The following DOK7 variants were observed in gnomAD, a reference collection of about 807,000 sequenced individuals.
DOK7 encodes docking protein 7, also known as protein Dok-7.
A neutral mutation model predicts 30.7 loss-of-function variants in DOK7; 32 were observed. The ratio of observed to expected loss-of-function variants is 1.04; its 90% CI spans 0.79 to 1.40. The LOEUF is 1.40. Ranked by LOEUF, DOK7 falls within the 40% of genes most tolerant of loss-of-function variation. The probability of loss-of-function intolerance (pLI) is 0.00; values close to 1 mark genes in which losing one functional copy is unlikely to be tolerated. For synonymous variants in DOK7, 447 were observed against 324.1 expected, an observed-to-expected ratio of 1.38 and a Z score of -4.07; for missense variants, 1,007 against 699.2, an observed-to-expected ratio of 1.44 and a Z score of -4.97.
intron 5 of DOK7, among the ~76,000 whole-genome samples, chr4:3,487,446 G>T (rs568289522): frequency 6.6e-6 from 1 of 152,328 alleles, no homozygotes; most frequent in African/African-American, 2.4e-5. Context: ...TGCTGAGCCC[G>T]CTGTGACCCA....
chr4:3,487,676 CAG>C (rs1727899229), intron 5 of DOK7, among the ~76,000 whole-genome samples: 1 of 152,182 alleles, frequency 6.6e-6, no homozygotes, highest in African/African-American at 2.4e-5. Context: ...GTGAGAGGCT[CAG>C]GGGGCGTGTG....
At chr4:3,473,715 G>A in intron 3 of DOK7, 79 bp downstream of exon 3, 5 of 1,338,596 alleles carry the variant, frequency 3.7e-6, no homozygotes, top group Non-Finnish European at 5.1e-6. Flanking sequence ...GGGCTGCAGA[G>A]GTGGGAGCGG....
chr4:3,469,631 T>G (rs1219945905), intron 2 of DOK7, among the ~76,000 whole-genome samples: 1 of 152,074 alleles, frequency 6.6e-6, no homozygotes, highest in African/African-American at 2.4e-5. Context: ...CCCCCAGACC[T>G]GTGTCTACCC....
chr4:3,495,797 C>T (rs1344807826), downstream of DOK7, among the ~76,000 whole-genome samples: 1 of 152,126 alleles, frequency 6.6e-6, no homozygotes, highest in Non-Finnish European at 1.5e-5. Flanking sequence ...CCTGCCCCCA[C>T]CGGGAGCAGC....
chr4:3,500,231 C>G, intron 6 of DOK7: 1 of 1,534,018 alleles, frequency 6.5e-7, no homozygotes, highest in Non-Finnish European at 8.7e-7. Flanking sequence ...ACCGGGGCTT[C>G]ACAGCCGCTC....
chr4:3,486,757 C>A (rs1003130788), intron 5 of DOK7, among the ~76,000 whole-genome samples: 2 of 150,036 alleles, frequency 1.3e-5, no homozygotes, highest in Non-Finnish European at 3.0e-5. Context: ...TCCTGCCTAG[C>A]GGCTGCAGGC....
chr4:3,492,107 C>T (rs111872612), intron 6 of DOK7, among the ~76,000 whole-genome samples: 15 of 152,168 alleles, frequency 9.9e-5, no homozygotes, highest in South Asian at 2.1e-4. Context: ...AGCTTAGAGA[C>T]GCAGCAGAGA....
At chr4:3,497,168 G>A (rs1728954561), downstream of DOK7, among the ~76,000 whole-genome samples, 1 of 152,050 alleles carries the variant, frequency 6.6e-6, no homozygotes, top group Admixed American at 6.5e-5. Flanking sequence ...ATGGACTGAA[G>A]GTTGGGAGAC....
At chr4:3,483,770 A>G (rs1727583134) in intron 4 of DOK7, among the ~76,000 whole-genome samples, 1 of 152,134 alleles carries the variant, frequency 6.6e-6, no homozygotes, top group South Asian at 2.1e-4. Flanking sequence ...AGCCCTTCAC[A>G]GGGAGGGGTG....
Position 3,476,549 on chromosome 4 carries a change from A to G in DOK7, c.532+7A>G. On this transcript the variant is annotated splice_region_variant and intron_variant, in intron 4 of 6. Transcript: ENST00000340083. ...GGGACCAGGTGTGGGTACTGTAAGT[A>G]CGGATGTGTGGGGTCACTGGGCAGC... The G allele has an allele frequency of 6.2e-7, 1 of 1,613,766 alleles. No individual in the cohort carries two copies.
At chr4:3,463,577 G>A (rs1726098549) in intron 2 of DOK7, 26 bp downstream of exon 2, 5 of 1,521,620 alleles carry the variant, frequency 3.3e-6, no homozygotes, top group Non-Finnish European at 4.4e-6. Context: ...GGGGGACGGG[G>A]GGCGCGGGGG....
chr4:3,481,549 A>G (rs1390645225), intron 4 of DOK7, among the ~76,000 whole-genome samples: 1 of 151,992 alleles, frequency 6.6e-6, no homozygotes, highest in African/African-American at 2.4e-5. Flanking sequence ...TCCACCCGAG[A>G]CCCACTAGGT....
intron 6 of DOK7, chr4:3,500,240 TC>T (rs532650343): frequency 2.0e-6 from 3 of 1,533,846 alleles, no homozygotes; most frequent in Non-Finnish European, 2.6e-6. Flanking sequence ...TCACAGCCGC[TC>T]CCCCCACAGG....
At chr4:3,465,690 G>A (rs1286995394) in intron 2 of DOK7, among the ~76,000 whole-genome samples, 9 of 152,262 alleles carry the variant, frequency 5.9e-5, no homozygotes, top group African/African-American at 1.9e-4. Flanking sequence ...CACAGCGCCT[G>A]GCATGGCCAG....
At chr4:3,467,520 C>T (rs1023673424) in intron 2 of DOK7, among the ~76,000 whole-genome samples, 4 of 148,190 alleles carry the variant, frequency 2.7e-5, no homozygotes, top group African/African-American at 9.8e-5. Context: ...CCTCGTTTCC[C>T]TGTGGCTGTG....
intron 4 of DOK7, among the ~76,000 whole-genome samples, chr4:3,481,091 G>C (rs1000725435): frequency 6.8e-6 from 1 of 147,934 alleles, no homozygotes; most frequent in Non-Finnish European, 1.5e-5. Context: ...GAGCCCTGTT[G>C]GGGGGGATAG....
At chr4:3,497,843 A>T (rs1728998911), downstream of DOK7, among the ~76,000 whole-genome samples, 1 of 152,116 alleles carries the variant, frequency 6.6e-6, no homozygotes, top group African/African-American at 2.4e-5. Context: ...CAGTGTGCTG[A>T]GGCAGCCACC....
intron 2 of DOK7, among the ~76,000 whole-genome samples, chr4:3,468,668 C>G (rs200705960): frequency 9.7e-6 from 1 of 102,716 alleles, no homozygotes; most frequent in Admixed American, 1.1e-4. Context: ...GTGTGTGTGC[C>G]TGTGTGCATG....
intron 2 of DOK7, among the ~76,000 whole-genome samples, chr4:3,467,660 GTGAA>G (rs1726383638): frequency 6.6e-6 from 1 of 152,192 alleles, no homozygotes; most frequent in African/African-American, 2.4e-5. Flanking sequence ...GTGTGTAAGA[GTGAA>G]TGTGTGAGTG....
Sources: allele counts gnomAD v4.1 joint callset (sites outside exome capture counted in the v4.1 genomes callset), GRCh38; gene constraint gnomAD v4.1.1; transcripts MANE v1.5; gene names NCBI Gene and HGNC (gene_info 2026-07-23, HGNC 2026-07-21).